Variants in CDH18 observed in about 807,000 individuals in gnomAD.
CDH18 encodes cadherin-18.
Under a neutral mutation model 67.9 loss-of-function variants are expected in CDH18, and 31 were observed. The ratio of observed to expected loss-of-function variants is 0.46; its 90% CI spans 0.34 to 0.62. The LOEUF (loss-of-function observed/expected upper bound fraction) is 0.62, where lower values mean the gene tolerates loss of function less well. Ranked by LOEUF, CDH18 falls within the 20% of genes least tolerant of loss-of-function variation. The pLI, the probability that CDH18 is intolerant of heterozygous loss-of-function variation, is 0.01. For missense variants in CDH18, 890 were observed against 975.5 expected, an observed-to-expected ratio of 0.91 and a Z score of 1.17; for synonymous variants, 362 against 347.2, an observed-to-expected ratio of 1.04 and a Z score of -0.48.
intron 3 of CDH18, among the ~76,000 whole-genome samples, chr5:19,796,822 G>A (rs1204384378): frequency 6.6e-6 from 1 of 151,980 alleles, no homozygotes; most frequent in African/African-American, 2.4e-5. Flanking sequence ...GTAAAATGTT[G>A]ATATGTGTAG....
At chr5:19,630,475 GGTGT>G (rs143309350) in intron 5 of CDH18, among the ~76,000 whole-genome samples, 1 of 150,164 alleles carries the variant, frequency 6.7e-6, no homozygotes, top group East Asian at 1.9e-4. Flanking sequence ...GATCCATTGG[GGTGT>G]GTGTGTGTGT....
At chr5:20,310,472 A>G (rs1736883331) in intron 1 of CDH18, among the ~76,000 whole-genome samples, 1 of 152,206 alleles carries the variant, frequency 6.6e-6, no homozygotes. Context: ...GTGATTAAGA[A>G]CAGACCAGAA....
At chr5:20,303,971 G>T in intron 1 of CDH18, 1 of 827,388 alleles carries the variant, frequency 1.2e-6, no homozygotes, top group South Asian at 1.5e-5. Context: ...TCAAAGAAGA[G>T]AAGAAAAACT....
At chr5:19,774,302 T>C (rs1277219466) in intron 3 of CDH18, among the ~76,000 whole-genome samples, 2 of 151,958 alleles carry the variant, frequency 1.3e-5, no homozygotes, top group South Asian at 4.1e-4. Context: ...TAGTCCCAAC[T>C]GTTCAGAAGG....
intron 1 of CDH18, among the ~76,000 whole-genome samples, chr5:20,341,625 C>A (rs890266687): frequency 1.3e-5 from 2 of 151,622 alleles, no homozygotes; most frequent in African/African-American, 4.8e-5. Flanking sequence ...CTCTAGAGAA[C>A]CCTGACTAAT....
At chr5:19,881,457 G>A (rs1454654905) in intron 2 of CDH18, among the ~76,000 whole-genome samples, 1 of 149,390 alleles carries the variant, frequency 6.7e-6, no homozygotes, top group African/African-American at 2.5e-5. Flanking sequence ...ATTTACTCTA[G>A]TCTAATGTTC....
intron 1 of CDH18, among the ~76,000 whole-genome samples, chr5:20,449,553 A>C (rs1312724804): frequency 6.6e-6 from 1 of 152,032 alleles, no homozygotes; most frequent in East Asian, 1.9e-4. Context: ...GTCATGTTTT[A>C]AAATATAATA....
chr5:19,720,521 A>T (rs1026405568), intron 5 of CDH18, among the ~76,000 whole-genome samples: 2 of 152,194 alleles, frequency 1.3e-5, no homozygotes, highest in Non-Finnish European at 2.9e-5. Context: ...CCAAATTTTT[A>T]GCAACAAATT....
At position 19,746,834 on chromosome 5, in the gene CDH18, T is replaced by TA. The variant is rs1259700300; in HGVS notation, c.523+107dup. On this transcript the variant is annotated intron_variant, in intron 4 of 12. Coordinates refer to ENST00000382275, the MANE Select transcript of CDH18 (RefSeq NM_004934.5). ...CTAAAATATTTTGAAACTTCATATTTATATCCCCTCCAGATATATATATAT... is the reference window on the plus strand; with the variant it reads ...CTAAAATATTTTGAAACTTCATATTTAATATCCCCTCCAGATATATATATAT... The TA allele has an allele frequency of 5.8e-6, 5 of 860,596 alleles. No homozygotes were observed. The Admixed American group carries it at 1.4e-4, about 24-fold the overall frequency. 53.3% of individuals were successfully genotyped at this position (860,596 alleles called of 1,614,324 possible). A position where few individuals can be genotyped will look rare whatever the true frequency, so the allele number is the denominator to read the frequency against.
At chr5:19,666,181 T>C (rs1757893410) in intron 5 of CDH18, among the ~76,000 whole-genome samples, 2 of 151,102 alleles carry the variant, frequency 1.3e-5, no homozygotes, top group African/African-American at 4.8e-5. Context: ...GTGATCCTCC[T>C]TCCTCAGCCT....
intron 11 of CDH18, among the ~76,000 whole-genome samples, chr5:19,487,427 AAT>A (rs1347568939): frequency 1.3e-5 from 2 of 152,176 alleles, no homozygotes; most frequent in Non-Finnish European, 2.9e-5. Flanking sequence ...TTAAACCAAT[AAT>A]ATGTGTTTAG....
intron 7 of CDH18, among the ~76,000 whole-genome samples, chr5:19,575,449 T>A (rs1238661872): frequency 6.6e-6 from 1 of 152,208 alleles, no homozygotes; most frequent in Non-Finnish European, 1.5e-5. Context: ...AAATTGCTGA[T>A]ATCAAAAATG....
chr5:19,910,152 A>G (rs7728558), intron 2 of CDH18, among the ~76,000 whole-genome samples: 48,702 of 152,026 alleles, frequency 0.32, 8,511 homozygotes, highest in South Asian at 0.4. Flanking sequence ...CAAAACGGGA[A>G]GTGATGAGGA....
rs182050463 is a variant in CDH18, at chr5:20,507,669, T to G, written c.-580+67793A>C. Among the ~76,000 whole-genome samples the G allele has an allele frequency of 3.2e-3, 493 of 152,244 alleles. 2 individuals carry two copies. The highest frequency in any genetic ancestry group is 0.014 in the Middle Eastern group (4 of 294). On this transcript the variant is annotated intron_variant, in intron 1 of 14. Transcript: ENST00000507958. ...ATTAGCATAAAGGCATAGAAAATTC[T>G]AGGTTCTATGTTTATTTTTATTTTA...
intron 2 of CDH18, among the ~76,000 whole-genome samples, chr5:20,038,378 C>T (rs556074711): frequency 5.3e-4 from 80 of 152,148 alleles, no homozygotes; most frequent in Non-Finnish European, 1.0e-3. Flanking sequence ...GATACCAAAA[C>T]CTGGCAGAGA....
At chr5:20,177,075 C>T (rs1011914710) in intron 2 of CDH18, among the ~76,000 whole-genome samples, 1 of 151,932 alleles carries the variant, frequency 6.6e-6, no homozygotes, top group African/African-American at 2.4e-5. Context: ...TATTTTAATA[C>T]AGAAACATTT....
At chr5:20,048,742 C>A (rs1741131198) in intron 2 of CDH18, among the ~76,000 whole-genome samples, 1 of 151,336 alleles carries the variant, frequency 6.6e-6, no homozygotes, top group Non-Finnish European at 1.5e-5. Context: ...TGTAGATATT[C>A]AATAAATCTT....
intron 2 of CDH18, among the ~76,000 whole-genome samples, chr5:20,210,679 C>T (rs1740286833): frequency 1.3e-5 from 2 of 151,814 alleles, no homozygotes; most frequent in Admixed American, 1.3e-4. Context: ...GAAAACACTT[C>T]AAATATATTT....
chr5:20,251,636 AG>A (rs1743865715), intron 2 of CDH18, among the ~76,000 whole-genome samples: 1 of 152,174 alleles, frequency 6.6e-6, no homozygotes, highest in South Asian at 2.1e-4. Flanking sequence ...AGAAACATGC[AG>A]TGGTGGGGGA....
Sources: gnomAD v4.1 joint callset for allele counts (sites outside exome capture counted in the v4.1 genomes callset) on GRCh38, gnomAD v4.1.1 for gene constraint, MANE v1.5 for transcripts, NCBI Gene and HGNC (gene_info 2026-07-23, HGNC 2026-07-21) for gene names.